The following ZBTB16 variants were observed in gnomAD, a reference collection of about 807,000 sequenced individuals.
ZBTB16 encodes zinc finger and BTB domain containing 16.
In ZBTB16, 8 loss-of-function variants were observed where a neutral mutation model predicts 56.8. The observed-to-expected ratio is 0.14, with a 90% CI of 0.08 to 0.25. The LOEUF is 0.25. Ranked by LOEUF, ZBTB16 falls within the 10% of genes least tolerant of loss-of-function variation. ZBTB16 has a pLI of 1.00. For synonymous variants in ZBTB16, 363 were observed against 368.5 expected, an observed-to-expected ratio of 0.98 and a Z score of 0.17; for missense variants, 625 against 903.0, an observed-to-expected ratio of 0.69 and a Z score of 3.95.
At chr11:114,097,501 A>G (rs183705961) in intron 2 of ZBTB16, among the ~76,000 whole-genome samples, 74 of 152,302 alleles carry the variant, frequency 4.9e-4, no homozygotes, top group African/African-American at 1.7e-3. Flanking sequence ...ATTTTATGTT[A>G]ATTGCAATAC....
At chr11:114,096,149 AAT>A (rs1028652478) in intron 2 of ZBTB16, among the ~76,000 whole-genome samples, 2 of 152,348 alleles carry the variant, frequency 1.3e-5, no homozygotes, top group Middle Eastern at 3.4e-3. Context: ...GGGGTATTTT[AAT>A]ATCAAATCTC....
Position 114,250,758 on chromosome 11 carries a change from C to G in ZBTB16, c.*203C>G. 4 of 613,282 alleles carry G rather than the reference C, an allele frequency of 6.5e-6. No individual in the cohort carries two copies. Among genetic ancestry groups the G allele is most frequent in the Non-Finnish European group, 1.1e-5 (4 of 351,522 alleles). The allele number at this position is 613,282 out of a possible 1,614,324, so 38.0% of individuals were successfully genotyped here. ...GCCACTGCCCCTCCTCTGGGGGCCTCCACCCTCCTCTCCCGGCTGGAGGTT... is the reference window on the plus strand; with the variant it reads ...GCCACTGCCCCTCCTCTGGGGGCCTGCACCCTCCTCTCCCGGCTGGAGGTT... On this transcript the variant is annotated 3_prime_UTR_variant, in exon 7 of 7. Transcript: ENST00000335953. This position sits in a 1 kb window ranked among gnomAD's most constrained non-coding sequence, Gnocchi z 6.0.
chr11:114,246,503 T>C (rs1201898738), intron 5 of ZBTB16, among the ~76,000 whole-genome samples: 1 of 152,204 alleles, frequency 6.6e-6, no homozygotes, highest in Non-Finnish European at 1.5e-5. Context: ...GTAGCCCATT[T>C]TAATGCGAAA....
intron 2 of ZBTB16, among the ~76,000 whole-genome samples, chr11:114,103,200 G>A (rs1434233500): frequency 6.6e-6 from 1 of 152,192 alleles, no homozygotes; most frequent in African/African-American, 2.4e-5. Flanking sequence ...CTTTAGGCCA[G>A]GCCTATGTTA....
At chr11:114,107,903 G>A (rs536716968) in intron 2 of ZBTB16, among the ~76,000 whole-genome samples, 2 of 147,992 alleles carry the variant, frequency 1.4e-5, no homozygotes, top group South Asian at 2.1e-4. Context: ...AAAATACAGT[G>A]GAAATTTGGG....
chr11:114,179,591 GA>G (rs1394517658), intron 3 of ZBTB16, among the ~76,000 whole-genome samples: 1 of 151,638 alleles, frequency 6.6e-6, no homozygotes, highest in African/African-American at 2.4e-5. Flanking sequence ...AAGGAATTTT[GA>G]AAAAAAGGAC....
chr11:114,184,863 C>G (rs1028505678), intron 3 of ZBTB16, among the ~76,000 whole-genome samples: 10 of 152,056 alleles, frequency 6.6e-5, no homozygotes, highest in Non-Finnish European at 1.2e-4. Flanking sequence ...AACTAAAACA[C>G]AGGCATATTT....
At chr11:114,092,398 G>A (rs1397817482) in intron 2 of ZBTB16, among the ~76,000 whole-genome samples, 1 of 152,204 alleles carries the variant, frequency 6.6e-6, no homozygotes, top group African/African-American at 2.4e-5. Flanking sequence ...CTGGGGTTGG[G>A]GCGGGGGCAC....
intron 2 of ZBTB16, among the ~76,000 whole-genome samples, chr11:114,118,746 G>A (rs1328778049): frequency 6.6e-6 from 1 of 152,144 alleles, no homozygotes; most frequent in Non-Finnish European, 1.5e-5. Context: ...AGGAGAACAG[G>A]TAAAAGATAA....
In ZBTB16 at chr11:114,063,143, A is replaced by G; in HGVS notation, c.-90-68A>G. ...TTGTAGTGGTTGAATTCTTACTTTTAGGGACACTGATGAATTTGTCTTTTG... is the reference window on the plus strand; with the variant it reads ...TTGTAGTGGTTGAATTCTTACTTTTGGGGACACTGATGAATTTGTCTTTTG... On this transcript the variant is annotated intron_variant, in intron 1 of 6. Transcript: ENST00000335953. This position sits in a 1 kb window ranked among gnomAD's most constrained non-coding sequence, Gnocchi z 6.5. 1.3e-6 allele frequency: 1 copy of G among 788,800 alleles called. No homozygotes were observed. The highest frequency in any genetic ancestry group is 2.1e-6 in the Non-Finnish European group (1 of 485,642). 48.9% of individuals were successfully genotyped at this position (788,800 alleles called of 1,614,324 possible). A position where few individuals can be genotyped will look rare whatever the true frequency, so the allele number is the denominator to read the frequency against.
chr11:114,083,793 C>G (rs1163458699), intron 2 of ZBTB16, among the ~76,000 whole-genome samples: 2 of 152,030 alleles, frequency 1.3e-5, no homozygotes, highest in East Asian at 3.8e-4. Flanking sequence ...TTGATGCCGC[C>G]CCCCCGCCCC....
In ZBTB16 at chr11:114,067,774, G is replaced by A. The variant is rs532525623; in HGVS notation, c.1268+3206G>A. ...GCCCAAGAAGTTAGAGCCAGGGGCA[G>A]TGCCTTTGATGGGAAGCTTGGGGGT... is the stretch of plus-strand genomic sequence containing the variant. On this transcript the variant is annotated intron_variant, in intron 2 of 6. Transcript: ENST00000335953. 3.3e-5 allele frequency among the ~76,000 whole-genome samples: 5 copies of A among 152,274 alleles called. No individual in the cohort carries two copies. In the South Asian group the frequency reaches 1.0e-3, roughly 32 times the overall value.
chr11:114,219,328 A>G (rs534517160), intron 4 of ZBTB16, among the ~76,000 whole-genome samples: 5 of 152,358 alleles, frequency 3.3e-5, no homozygotes, highest in South Asian at 2.1e-4. Flanking sequence ...GGTCACAGAC[A>G]TGAGCATAAA....
rs141761455 is a variant in ZBTB16 at position 114,074,987 on chromosome 11, C to T, written c.1268+10419C>T. 4.0e-3 allele frequency among the ~76,000 whole-genome samples: 602 copies of T among 152,154 alleles called. 5 individuals are homozygous for T. The highest frequency in any genetic ancestry group is 0.013 in the African/African-American group (530 of 41,494). On this transcript the variant is annotated intron_variant, in intron 2 of 6. Coordinates refer to ENST00000335953, the MANE Select transcript of ZBTB16 (RefSeq NM_006006.6). ...CTGGACGGCTGTGCAGTGACAGAGC[C>T]GTGTTGTGAGCGTATGTGCCTAGGT...
chr11:114,082,945 C>T (rs545773008), intron 2 of ZBTB16, among the ~76,000 whole-genome samples: 29 of 152,304 alleles, frequency 1.9e-4, no homozygotes, highest in East Asian at 5.8e-4. Flanking sequence ...CGTAGCACTA[C>T]GCAATGTCTG....
At chr11:114,078,894 T>TA (rs1939661424) in intron 2 of ZBTB16, among the ~76,000 whole-genome samples, 1 of 151,846 alleles carries the variant, frequency 6.6e-6, no homozygotes. Flanking sequence ...CAGTCTCTAC[T>TA]AAAAATACAA....
chr11:114,099,611 T>G (rs1407134534), intron 2 of ZBTB16, among the ~76,000 whole-genome samples: 1 of 152,148 alleles, frequency 6.6e-6, no homozygotes, highest in Non-Finnish European at 1.5e-5. Context: ...TTCTTAAAGC[T>G]GTGTGGTGTC....
chr11:114,249,104 C>T (rs1944869076), intron 6 of ZBTB16, among the ~76,000 whole-genome samples: 1 of 151,844 alleles, frequency 6.6e-6, no homozygotes, highest in African/African-American at 2.4e-5. Flanking sequence ...CCTCCCATCC[C>T]ACCCCACCCC....
chr11:114,167,216 GTTTTTTTTTTTTTTGGTTTTTT>G lies in ZBTB16; in HGVS notation c.1366+10797_1366+10818del, dbSNP rs1356809537. Among the ~76,000 whole-genome samples the G allele has an allele frequency of 3.8e-5, 3 of 79,966 alleles. No individual in the cohort carries two copies. In the Admixed American group the frequency reaches 4.4e-4, roughly 12 times the overall value. 52.5% of individuals were successfully genotyped at this position (79,966 alleles called of 152,430 possible). A position where few individuals can be genotyped will look rare whatever the true frequency, so the allele number is the denominator to read the frequency against. ...AGCCTCGGGCCATTATGGATTTGTG[GTTTTTTTTTTTTTTGGTTTTTT>G]TTTTTTTTTTTTTTTGACAAGCTTG... On this transcript the variant is annotated intron_variant, in intron 3 of 6. Transcript: ENST00000335953.
Sources: gnomAD v4.1 joint callset for allele counts (sites outside exome capture counted in the v4.1 genomes callset) on GRCh38, gnomAD v4.1.1 for gene constraint, Gnocchi (gnomAD v3.1) non-coding constraint, MANE v1.5 for transcripts, NCBI Gene and HGNC (gene_info 2026-07-23, HGNC 2026-07-21) for gene names.